Variants in XPO7 observed in about 807,000 individuals in gnomAD.
XPO7 encodes exportin 7, also known as exportin-7.
Under a neutral mutation model 144.3 loss-of-function variants are expected in XPO7, and 21 were observed. The observed-to-expected ratio is 0.15, with a 90% CI of 0.10 to 0.21. XPO7 has a LOEUF of 0.21. XPO7 is among the 10% of genes least tolerant of loss of function. The pLI is 1.00. For synonymous variants in XPO7, 580 were observed against 499.6 expected (o/e 1.16, Z -2.15); for missense variants, 808 against 1,325.8 (o/e 0.61, Z 6.06).
intron 1 of XPO7, among the ~76,000 whole-genome samples, chr8:21,920,047 C>T (rs1334593407): frequency 6.6e-6 from 1 of 151,746 alleles, no homozygotes; most frequent in African/African-American, 2.4e-5. Flanking sequence ...CATCCCGGCG[C>T]GCGCAGCCCA....
At chr8:21,976,585 A>C in intron 7 of XPO7, 64 bp downstream of exon 7, 1 of 1,488,900 alleles carries the variant, frequency 6.7e-7, no homozygotes, top group Non-Finnish European at 9.0e-7. Flanking sequence ...CTGTAGAATG[A>C]TCTAAAGAAC....
intron 16 of XPO7, 97 bp downstream of exon 16, chr8:21,989,180 T>C: frequency 9.0e-7 from 1 of 1,108,196 alleles, no homozygotes. Context: ...AGTTTAGCTG[T>C]AGTGTGTACT....
At chr8:21,938,994 CATTTG>C (rs1810905299) in intron 1 of XPO7, among the ~76,000 whole-genome samples, 1 of 152,068 alleles carries the variant, frequency 6.6e-6, no homozygotes, top group African/African-American at 2.4e-5. Flanking sequence ...ATTCATATCT[CATTTG>C]GTAACAACAA....
intron 1 of XPO7, among the ~76,000 whole-genome samples, chr8:21,958,092 A>G (rs1435929416): frequency 3.9e-5 from 6 of 152,258 alleles, no homozygotes; most frequent in Admixed American, 3.9e-4. Context: ...TGGAAATTAC[A>G]TAGGCTAACA....
At chr8:21,995,729 T>C (rs1812925599) in intron 21 of XPO7, 130 bp downstream of exon 21, 2 of 644,472 alleles carry the variant, frequency 3.1e-6, no homozygotes, top group Admixed American at 3.3e-5. Context: ...TCGAAAAGTT[T>C]TTGTGTTTTT....
chr8:21,944,657 G>A (rs142446376), intron 1 of XPO7, among the ~76,000 whole-genome samples: 1 of 152,194 alleles, frequency 6.6e-6, no homozygotes, highest in African/African-American at 2.4e-5. Context: ...TTCTCGGAGA[G>A]GGGGATTTGG....
intron 1 of XPO7, among the ~76,000 whole-genome samples, chr8:21,927,118 A>G (rs776415043): frequency 6.6e-6 from 1 of 152,128 alleles, no homozygotes; most frequent in East Asian, 1.9e-4. Context: ...GCAGGGGCAC[A>G]CATGCTTGTA....
chr8:21,925,278 C>T (rs1810422785), intron 1 of XPO7, among the ~76,000 whole-genome samples: 1 of 152,196 alleles, frequency 6.6e-6, no homozygotes, highest in Non-Finnish European at 1.5e-5. Flanking sequence ...TGGCTGTTCA[C>T]CCCTTCGCAC....
In XPO7 at chr8:21,945,923, G is replaced by A. The variant is rs114501994; in HGVS notation, c.19-20934G>A. On this transcript the variant is annotated intron_variant, in intron 1 of 27. Coordinates refer to ENST00000252512, the MANE Select transcript of XPO7 (RefSeq NM_015024.5). ...GTAGTGAAGTCAAAATTGCTGTAGGGTCAAATGCCAACATGAAACCCTTAT... is the reference window on the plus strand; with the variant it reads ...GTAGTGAAGTCAAAATTGCTGTAGGATCAAATGCCAACATGAAACCCTTAT... Among the ~76,000 whole-genome samples, 416 of 152,214 alleles carry A rather than the reference G, an allele frequency of 2.7e-3. 4 individuals carry two copies. The highest frequency in any genetic ancestry group is 9.7e-3 in the African/African-American group (404 of 41,550).
intron 1 of XPO7, among the ~76,000 whole-genome samples, chr8:21,948,553 ATACTT>A (rs1387877085): frequency 3.9e-5 from 6 of 152,208 alleles, no homozygotes; most frequent in Admixed American, 1.3e-4. Context: ...AGGCATGACT[ATACTT>A]TAAAGGAGTT....
At chr8:21,941,896 G>C (rs1811005301) in intron 1 of XPO7, among the ~76,000 whole-genome samples, 1 of 152,102 alleles carries the variant, frequency 6.6e-6, no homozygotes, top group African/African-American at 2.4e-5. Flanking sequence ...TGTTGCCTAG[G>C]CTGCCAATTT....
At chr8:22,001,575 G>A (rs1281345155) in intron 24 of XPO7, among the ~76,000 whole-genome samples, 1 of 152,120 alleles carries the variant, frequency 6.6e-6, no homozygotes, top group African/African-American at 2.4e-5. Context: ...ACATTCAGGG[G>A]CTACGTCATT....
intron 3 of XPO7, 86 bp downstream of exon 3, chr8:21,969,662 A>AATGAT: frequency 8.1e-7 from 1 of 1,231,240 alleles, no homozygotes; most frequent in Non-Finnish European, 1.2e-6. Context: ...GTGTTTGTTC[A>AATGAT]ATGATATGCT....
Position 22,005,152 on chromosome 8 carries a change from A to G in XPO7, c.*64A>G, listed in dbSNP as rs561941419. On this transcript the variant is annotated 3_prime_UTR_variant, in exon 28 of 28. Coordinates refer to ENST00000252512, the MANE Select transcript of XPO7 (RefSeq NM_015024.5). ...TTGGTTTGGCCCAGAGGGGCGAACAATTGCAAGGGAGAGGGCCTGGCTGAT... is the reference window on the plus strand; with the variant it reads ...TTGGTTTGGCCCAGAGGGGCGAACAGTTGCAAGGGAGAGGGCCTGGCTGAT... 17 of 1,380,218 alleles carry G rather than the reference A, an allele frequency of 1.2e-5. No homozygotes were observed. The highest frequency in any genetic ancestry group is 9.7e-5 in the Admixed American group (5 of 51,286). 85.5% of individuals were successfully genotyped at this position (1,380,218 alleles called of 1,614,324 possible).
At chr8:21,969,334 C>T (rs1312926664) in intron 2 of XPO7, 149 bp from the exon 3 acceptor site, 2 of 633,298 alleles carry the variant, frequency 3.2e-6, no homozygotes, top group African/African-American at 1.8e-5. Flanking sequence ...CATTTTTCCT[C>T]AGAGCAGTAG....
chr8:21,961,560 A>G (rs1811726440), intron 1 of XPO7, among the ~76,000 whole-genome samples: 1 of 152,090 alleles, frequency 6.6e-6, no homozygotes, highest in African/African-American at 2.4e-5. Context: ...ATGTATTTGA[A>G]TCAGTTCAGA....
At chr8:21,935,597 G>A (rs544770238) in intron 1 of XPO7, among the ~76,000 whole-genome samples, 4 of 152,226 alleles carry the variant, frequency 2.6e-5, no homozygotes, top group African/African-American at 9.6e-5. Context: ...CTCATAGATA[G>A]GACTTTAAGA....
At chr8:21,984,185 G>A (rs1319619534) in intron 11 of XPO7, among the ~76,000 whole-genome samples, 1 of 152,080 alleles carries the variant, frequency 6.6e-6, no homozygotes, top group Non-Finnish European at 1.5e-5. Flanking sequence ...GCCCATCAAG[G>A]GTTTTATATG....
rs1326294280 is a variant in XPO7 at position 22,006,118 on chromosome 8, C to A, written c.*1030C>A. ...GCGTGTGGATATTTATATATGTACC[C>A]TGCACTCATGAATGTATGAACTGGA... On this transcript the variant is annotated 3_prime_UTR_variant, in exon 28 of 28. Coordinates refer to ENST00000252512, the MANE Select transcript of XPO7 (RefSeq NM_015024.5). 1 of 152,180 alleles carries A rather than the reference C, an allele frequency of 6.6e-6. No individual in the cohort carries two copies. Among genetic ancestry groups the A allele is most frequent in the African/African-American group, 2.4e-5 (1 of 41,422 alleles). The allele number at this position is 152,180 out of a possible 1,614,324, so 9.4% of individuals were successfully genotyped here.
Sources: gnomAD v4.1 joint callset for allele counts (sites outside exome capture counted in the v4.1 genomes callset) on GRCh38, gnomAD v4.1.1 for gene constraint, MANE v1.5 for transcripts, NCBI Gene and HGNC (gene_info 2026-07-23, HGNC 2026-07-21) for gene names.